The following FARS2 variants were observed in gnomAD, a reference collection of about 807,000 sequenced individuals.
FARS2 encodes the protein phenylalanine--tRNA ligase, mitochondrial.
A neutral mutation model predicts 46.4 loss-of-function variants in FARS2; 40 were observed. That is an observed-to-expected ratio of 0.86 (90% CI 0.67 to 1.12). The LOEUF is 1.12. Among genes scored for constraint, FARS2 ranks in the 50% most tolerant of loss-of-function variants. The pLI is 0.00. For synonymous variants in FARS2, 234 were observed against 214.9 expected, an observed-to-expected ratio of 1.09 and a Z score of -0.78; for missense variants, 513 against 567.9, an observed-to-expected ratio of 0.90 and a Z score of 0.98.
At chr6:5,744,172 G>T (rs553790500) in intron 6 of FARS2, among the ~76,000 whole-genome samples, 7 of 152,294 alleles carry the variant, frequency 4.6e-5, no homozygotes, top group African/African-American at 1.7e-4. Flanking sequence ...GCCTGGGGAG[G>T]GTGAGCAGCT....
intron 3 of FARS2, among the ~76,000 whole-genome samples, chr6:5,406,597 T>C (rs1761610080): frequency 6.6e-6 from 1 of 152,202 alleles, no homozygotes; most frequent in Non-Finnish European, 1.5e-5. Flanking sequence ...ATCCATATCA[T>C]AGTGTATATG....
intron 3 of FARS2, among the ~76,000 whole-genome samples, chr6:5,414,118 T>C (rs780074536): frequency 7.9e-5 from 12 of 152,330 alleles, no homozygotes; most frequent in Non-Finnish European, 1.3e-4. Flanking sequence ...TACCTTCCAA[T>C]TGCTGCCCGA....
At chr6:5,558,209 C>T (rs570129893) in intron 5 of FARS2, among the ~76,000 whole-genome samples, 12 of 152,284 alleles carry the variant, frequency 7.9e-5, no homozygotes, top group East Asian at 1.9e-4. Context: ...TTCTTCACTA[C>T]TTCAATCAGA....
chr6:5,546,017 A>G (rs1196540070), intron 5 of FARS2, among the ~76,000 whole-genome samples: 2 of 152,030 alleles, frequency 1.3e-5, no homozygotes, highest in Non-Finnish European at 2.9e-5. Context: ...AGTCCCAGCT[A>G]CTTGGGAGAC....
chr6:5,427,268 T>C (rs1268939470), intron 3 of FARS2, among the ~76,000 whole-genome samples: 1 of 152,214 alleles, frequency 6.6e-6, no homozygotes, highest in African/African-American at 2.4e-5. Flanking sequence ...TCAAAATGGT[T>C]TGAAGACTTA....
chr6:5,360,928 C>T (rs1581881150), intron 1 of FARS2, among the ~76,000 whole-genome samples: 1 of 152,124 alleles, frequency 6.6e-6, no homozygotes, highest in East Asian at 1.9e-4. Context: ...GCTTATATTA[C>T]CTGAACCAAA....
intron 6 of FARS2, among the ~76,000 whole-genome samples, chr6:5,660,760 C>T (rs1777815525): frequency 6.6e-6 from 1 of 152,116 alleles, no homozygotes; most frequent in East Asian, 1.9e-4. Flanking sequence ...GCAAAGCTCC[C>T]TGGCAGGAAA....
chr6:5,538,289 A>T (rs887441090), intron 4 of FARS2, among the ~76,000 whole-genome samples: 1 of 152,152 alleles, frequency 6.6e-6, no homozygotes, highest in African/African-American at 2.4e-5. Context: ...TGTATTTATG[A>T]CTCACTTTCT....
At chr6:5,671,849 G>A (rs903679465) in intron 6 of FARS2, among the ~76,000 whole-genome samples, 6 of 152,152 alleles carry the variant, frequency 3.9e-5, no homozygotes, top group Non-Finnish European at 7.3e-5. Flanking sequence ...CTGAGCCATC[G>A]CTTGTGTCTA....
intron 1 of FARS2, among the ~76,000 whole-genome samples, chr6:5,262,177 C>T (rs1765199429): frequency 6.6e-6 from 1 of 152,252 alleles, no homozygotes; most frequent in Non-Finnish European, 1.5e-5. Context: ...CTCCGAACCA[C>T]TTGGTCACGG....
intron 6 of FARS2, among the ~76,000 whole-genome samples, chr6:5,673,247 T>G (rs569898726): frequency 1.9e-4 from 29 of 152,348 alleles, no homozygotes; most frequent in African/African-American, 6.5e-4. Context: ...CGTTTGCGCC[T>G]GGAGGGCAGA....
chr6:5,501,627 T>C lies in FARS2; in HGVS notation c.905-43553T>C, dbSNP rs563504700. Among the ~76,000 whole-genome samples the C allele has an allele frequency of 2.4e-3, 360 of 152,218 alleles. 3 individuals are homozygous for C. Among genetic ancestry groups the C allele is most frequent in the Non-Finnish European group, 1.7e-3 (118 of 68,006 alleles). Reference sequence around the variant, plus strand: ...CTCATGGCTCAGCCTCCTGAGTAGCTGGGACTACAGGCGTGAGCCACCACA... The same window carrying C: ...CTCATGGCTCAGCCTCCTGAGTAGCCGGGACTACAGGCGTGAGCCACCACA... On this transcript the variant is annotated intron_variant, in intron 4 of 6. Coordinates refer to ENST00000274680, the MANE Select transcript of FARS2 (RefSeq NM_006567.5).
chr6:5,487,425 C>T (rs1766840400), intron 4 of FARS2, among the ~76,000 whole-genome samples: 1 of 152,234 alleles, frequency 6.6e-6, no homozygotes, highest in Non-Finnish European at 1.5e-5. Context: ...ATATAGTGTG[C>T]ACTCAGCAAC....
chr6:5,288,249 T>G (rs536574286), intron 1 of FARS2, among the ~76,000 whole-genome samples: 18 of 152,368 alleles, frequency 1.2e-4, no homozygotes, highest in Non-Finnish European at 2.4e-4. Flanking sequence ...CTTTTGATGT[T>G]TGTAGTCAAT....
At chr6:5,393,283 T>C (rs1475228417) in intron 2 of FARS2, among the ~76,000 whole-genome samples, 3 of 152,064 alleles carry the variant, frequency 2.0e-5, no homozygotes, top group Non-Finnish European at 2.9e-5. Flanking sequence ...ATTCCATGTG[T>C]GTAAAGGAGT....
chr6:5,328,782 A>T (rs2127575587), intron 1 of FARS2, among the ~76,000 whole-genome samples: 1 of 152,178 alleles, frequency 6.6e-6, no homozygotes, highest in Non-Finnish European at 1.5e-5. Context: ...TAAAAATAAA[A>T]GAAAAAAACC....
intron 4 of FARS2, among the ~76,000 whole-genome samples, chr6:5,527,256 T>G (rs917830355): frequency 2.0e-5 from 3 of 152,258 alleles, no homozygotes; most frequent in African/African-American, 7.2e-5. Flanking sequence ...CTCATGGCAT[T>G]TGTCAGAGGG....
chr6:5,632,824 T>C (rs1582632880), intron 6 of FARS2, among the ~76,000 whole-genome samples: 1 of 152,296 alleles, frequency 6.6e-6, no homozygotes, highest in Non-Finnish European at 1.5e-5. Flanking sequence ...CACTTTTCAA[T>C]TGAGTTCTCT....
intron 1 of FARS2, among the ~76,000 whole-genome samples, chr6:5,346,971 T>C (rs1757278923): frequency 6.6e-6 from 1 of 151,610 alleles, no homozygotes; most frequent in Admixed American, 6.6e-5. Context: ...TGGATTGCAG[T>C]GTTACAATCT....
Sources: allele counts gnomAD v4.1 joint callset (sites outside exome capture counted in the v4.1 genomes callset), GRCh38; gene constraint gnomAD v4.1.1; transcripts MANE v1.5; gene names NCBI Gene and HGNC (gene_info 2026-07-23, HGNC 2026-07-21).